Variants in COPB2 observed in about 807,000 individuals in gnomAD.
COPB2 encodes coat protein complex I subunit beta 2, also known as coatomer subunit beta'.
A neutral mutation model predicts 120.8 loss-of-function variants in COPB2; 16 were observed. The ratio of observed to expected loss-of-function variants is 0.13; its 90% CI spans 0.09 to 0.20. COPB2 has a LOEUF of 0.20. Among genes scored for constraint, COPB2 ranks in the 10% least tolerant of loss-of-function variants. COPB2 has a pLI of 1.00. For synonymous variants in COPB2, 332 were observed against 366.3 expected, an observed-to-expected ratio of 0.91 and a Z score of 1.07; for missense variants, 794 against 1,076.5, an observed-to-expected ratio of 0.74 and a Z score of 3.67.
rs1560014552 is a variant in COPB2, at chr3:139,366,473, T to C, written c.1884+95A>G. ...AAATTCTATTGCCACAGGAAATCAG[T>C]TGGCAATTAAGAAATAAAGTTTTTC... On this transcript the variant is annotated intron_variant, in intron 15 of 21. Coordinates refer to ENST00000333188, the MANE Select transcript of COPB2 (RefSeq NM_004766.3). 1.1e-5 allele frequency: 12 copies of C among 1,107,612 alleles called. No individual in the cohort carries two copies. The East Asian group carries it at 2.8e-4, about 26-fold the overall frequency. The allele number at this position is 1,107,612 out of a possible 1,614,324, so 68.6% of individuals were successfully genotyped here.
chr3:139,361,421 A>G, intron 16 of COPB2, 126 bp from the exon 17 acceptor site: 1 of 910,196 alleles, frequency 1.1e-6, no homozygotes, highest in Non-Finnish European at 1.6e-6. Context: ...TGGCTCTATC[A>G]AAATAAGAAT....
In COPB2 at chr3:139,378,240, A is replaced by G. The variant is rs375289023; in HGVS notation, c.356-51T>C. Reference sequence around the variant, plus strand: ...AGTTGTAATTCTATTTTTTCACTTCATAACTAAGACACAGTCTTTAGAAGA... The same window carrying G: ...AGTTGTAATTCTATTTTTTCACTTCGTAACTAAGACACAGTCTTTAGAAGA... On this transcript the variant is annotated intron_variant, in intron 4 of 21. Coordinates refer to ENST00000333188, the MANE Select transcript of COPB2 (RefSeq NM_004766.3). The G allele has an allele frequency of 5.7e-5, 85 of 1,483,850 alleles. No individual in the cohort carries two copies. The South Asian group carries it at 9.5e-4, about 17-fold the overall frequency. 91.9% of individuals were successfully genotyped at this position (1,483,850 alleles called of 1,614,324 possible).
chr3:139,363,596 C>T (rs1941465522), intron 15 of COPB2, among the ~76,000 whole-genome samples: 1 of 152,164 alleles, frequency 6.6e-6, no homozygotes, highest in African/African-American at 2.4e-5. Context: ...ACAAACACTA[C>T]TGATGGGGTC....
intron 1 of COPB2, 107 bp from the exon 2 acceptor site, chr3:139,383,542 C>T (rs747271263): frequency 1.4e-5 from 14 of 1,001,442 alleles, no homozygotes; most frequent in Non-Finnish European, 1.8e-5. Flanking sequence ...TCAGCTACTA[C>T]TTTGCTAAGC....
chr3:139,382,971 G>GTAT, intron 2 of COPB2: 1 of 297,170 alleles, frequency 3.4e-6, no homozygotes, highest in Non-Finnish European at 6.4e-6. Flanking sequence ...TTAAGATAGA[G>GTAT]TATTCACTGA....
chr3:139,373,936 T>G, intron 7 of COPB2, 128 bp from the exon 8 acceptor site: 1 of 1,012,620 alleles, frequency 9.9e-7, no homozygotes, highest in Non-Finnish European at 1.4e-6. Context: ...TAATGACCAA[T>G]TTTTTGACCT....
At position 139,359,177 on chromosome 3, in the gene COPB2, C is replaced by T. The variant is rs768901535; in HGVS notation, c.2305G>A (p.Val769Ile). 2.2e-5 allele frequency: 35 copies of T among 1,613,198 alleles called. No individual in the cohort carries two copies. Among genetic ancestry groups the T allele is most frequent in the Non-Finnish European group, 3.0e-5 (35 of 1,179,714 alleles). Reference protein sequence around the residue: ...RTYLPSQVSRVVKLWRENLSK... With the variant: ...RTYLPSQVSRIVKLWRENLSK... ...AGATTCTCTCTCCAGAGTTTCACTA[C>T]CCTATTATAGACATCATGGAACCAA... Residue 769 changes from valine to isoleucine, a missense_variant and splice_region_variant, in exon 19 of 22, where the codon GTA (valine) becomes ATA (isoleucine). Physicochemically the swap from Val to Ile is conservative, Grantham distance 29. Transcript: ENST00000333188.
chr3:139,372,815 A>G (rs1476715881), intron 9 of COPB2, among the ~76,000 whole-genome samples: 2 of 152,240 alleles, frequency 1.3e-5, no homozygotes, highest in African/African-American at 2.4e-5. Flanking sequence ...TTCAAAAGAC[A>G]CATATCTCAG....
intron 19 of COPB2, 81 bp from the exon 20 acceptor site, chr3:139,358,893 T>G: frequency 6.4e-7 from 1 of 1,555,454 alleles, no homozygotes; most frequent in Non-Finnish European, 8.9e-7. Context: ...ATCCCAGATA[T>G]CAGCTCTTAA....
chr3:139,369,483 AT>A lies in COPB2; in HGVS notation c.1266del (p.Lys422AsnfsTer23). Reference protein sequence around the residue: ...VKIFKNFKEKKSFKPDFGAES... With the variant: ...VKIFKNFKEKXSFKPDFGAES... ...TCTGCTCCAAAATCTGGTTTAAATG[AT>A]TTTTTTTCCTTAAAGTTCTTAAATA... On this transcript the variant is annotated frameshift_variant, in exon 11 of 22. Coordinates refer to ENST00000333188, the MANE Select transcript of COPB2 (RefSeq NM_004766.3). LOFTEE classifies it high-confidence loss of function. 1.9e-6 allele frequency: 3 copies of A among 1,611,824 alleles called. No homozygotes were observed. Among genetic ancestry groups the A allele is most frequent in the Admixed American group, 1.7e-5 (1 of 59,736 alleles).
Position 139,373,748 on chromosome 3 carries a change from A to G in COPB2, c.812T>C (p.Met271Thr). Reference sequence around the variant, plus strand: ...ACTGGCCACGCACCATACCCTCTCCATTCCATAATTCAGTGTGCTCTCAAG... The same window carrying G: ...ACTGGCCACGCACCATACCCTCTCCGTTCCATAATTCAGTGTGCTCTCAAG... ...YRLESTLNYG[M>T]ERVWCVASLR... The change falls in exon 8 of 22, where the codon ATG becomes ACG. Residue 271 changes from methionine (M) to threonine (T), a missense_variant. Transcript: ENST00000333188. The G allele has an allele frequency of 6.2e-7, 1 of 1,614,128 alleles. No homozygotes were observed. The highest frequency in any genetic ancestry group is 8.5e-7 in the Non-Finnish European group (1 of 1,179,996).
intron 10 of COPB2, among the ~76,000 whole-genome samples, chr3:139,371,288 A>C (rs1314372853): frequency 6.6e-6 from 1 of 152,250 alleles, no homozygotes; most frequent in East Asian, 1.9e-4. Flanking sequence ...GATTTAATAA[A>C]TTTCTCATCA....
intron 2 of COPB2, chr3:139,380,589 A>T (rs908304168): frequency 6.6e-6 from 1 of 152,108 alleles, no homozygotes; most frequent in East Asian, 1.9e-4. Context: ...ATCATTTTCT[A>T]ATCCTTTTTT....
At position 139,389,600 on chromosome 3, in the gene COPB2, G is replaced by A. The variant is rs772207637; in HGVS notation, c.-50C>T. ...ACCCTCGTTTGTTACCGGCTACTCA[G>A]GCCTTGAGATAAACCCACCGATCCA... On this transcript the variant is annotated 5_prime_UTR_variant, in exon 1 of 22. Coordinates refer to ENST00000333188, the MANE Select transcript of COPB2 (RefSeq NM_004766.3). The A allele has an allele frequency of 3.2e-6, 5 of 1,544,070 alleles. No homozygotes were observed. The African/African-American group carries it at 6.8e-5, about 21-fold the overall frequency.
At chr3:139,379,022 A>G (rs1941763093) in intron 4 of COPB2, 25 bp downstream of exon 4, 1 of 1,557,696 alleles carries the variant, frequency 6.4e-7, no homozygotes, top group Non-Finnish European at 8.6e-7. Flanking sequence ...AGAGACGCAC[A>G]TGACCAAAAA....
At chr3:139,371,655 G>T in intron 10 of COPB2, 68 bp downstream of exon 10, 1 of 1,313,128 alleles carries the variant, frequency 7.6e-7, no homozygotes, top group Non-Finnish European at 1.1e-6. Context: ...CAAGCCTTGA[G>T]AGTCTTCAAG....
At chr3:139,373,617 G>A in intron 8 of COPB2, 49 bp downstream of exon 8, 1 of 1,610,112 alleles carries the variant, frequency 6.2e-7, no homozygotes, top group South Asian at 1.1e-5. Flanking sequence ...AAAATACAAA[G>A]AAAATGGTTT....
chr3:139,372,513 G>A (rs1341815927), intron 9 of COPB2, among the ~76,000 whole-genome samples: 2 of 152,140 alleles, frequency 1.3e-5, no homozygotes, highest in Admixed American at 6.5e-5. Flanking sequence ...TATGCATAAT[G>A]CATTCTTAAC....
At chr3:139,369,747 G>A (rs538672491) in intron 10 of COPB2, among the ~76,000 whole-genome samples, 1 of 152,306 alleles carries the variant, frequency 6.6e-6, no homozygotes, top group South Asian at 2.1e-4. Flanking sequence ...TTTATACTGT[G>A]TATGACATGA....
Sources: gnomAD v4.1 joint callset for allele counts (sites outside exome capture counted in the v4.1 genomes callset) on GRCh38, gnomAD v4.1.1 for gene constraint, MANE v1.5 for transcripts, NCBI Gene and HGNC (gene_info 2026-07-23, HGNC 2026-07-21) for gene names.